The following CDK5RAP2 variants were observed in gnomAD, a reference collection of about 807,000 sequenced individuals.
The protein encoded by CDK5RAP2 is CDK5 regulatory subunit-associated protein 2.
In CDK5RAP2, 147 loss-of-function variants were observed where a neutral mutation model predicts 232.9. The observed-to-expected ratio is 0.63, with a 90% CI of 0.55 to 0.72. The LOEUF is 0.72. Ranked by LOEUF, CDK5RAP2 falls within the 30% of genes least tolerant of loss-of-function variation. The probability of loss-of-function intolerance (pLI) is 0.00; values close to 1 mark genes in which losing one functional copy is unlikely to be tolerated. For missense variants in CDK5RAP2, 2,195 were observed against 2,231.5 expected (o/e 0.98, Z 0.33); for synonymous variants, 833 against 833.7 (o/e 1.00, Z 0.01).
intron 4 of CDK5RAP2, 93 bp from the exon 5 acceptor site, chr9:120,545,883 C>T: frequency 1.0e-6 from 1 of 957,010 alleles, no homozygotes; most frequent in South Asian, 1.3e-5. Context: ...CACAGACTGA[C>T]TACAGGATGC....
At chr9:120,548,469 A>C (rs1453589215) in intron 4 of CDK5RAP2, among the ~76,000 whole-genome samples, 1 of 152,226 alleles carries the variant, frequency 6.6e-6, no homozygotes, top group Non-Finnish European at 1.5e-5. Context: ...CCAAACCAAA[A>C]GTCAGGGCAC....
chr9:120,519,708 T>C (rs190914821), intron 11 of CDK5RAP2, among the ~76,000 whole-genome samples: 69 of 152,390 alleles, frequency 4.5e-4, no homozygotes, highest in African/African-American at 1.6e-3. Flanking sequence ...ATTCTCATTT[T>C]TCTTTAAAAA....
At chr9:120,390,171 T>A (rs1273615940) in intron 36 of CDK5RAP2, 1 of 228,978 alleles carries the variant, frequency 4.4e-6, no homozygotes. Flanking sequence ...GGCCTGGGCC[T>A]GCCCAGCACT....
Position 120,579,889 on chromosome 9 carries a change from G to A in CDK5RAP2, c.59+31C>T, listed in dbSNP as rs754241372. 5.6e-6 allele frequency: 9 copies of A among 1,595,336 alleles called. No homozygotes were observed. In the South Asian group the frequency reaches 6.6e-5, roughly 12 times the overall value. On this transcript the variant is annotated intron_variant, in intron 1 of 37. Coordinates refer to ENST00000349780, the MANE Select transcript of CDK5RAP2 (RefSeq NM_018249.6). ...TCCCACCAGCTGGAACCCCGGCCCG[G>A]TTACCACGACCACCAATGCCCCGGC... is the stretch of plus-strand genomic sequence containing the variant.
intron 6 of CDK5RAP2, among the ~76,000 whole-genome samples, chr9:120,538,708 G>C (rs900404884): frequency 6.6e-6 from 1 of 152,184 alleles, no homozygotes; most frequent in Non-Finnish European, 1.5e-5. Flanking sequence ...GAGTGGTGCT[G>C]TAGGAAGAGC....
Position 120,544,237 on chromosome 9 carries a change from G to A in CDK5RAP2, c.383+1477C>T, listed in dbSNP as rs75580126. Among the ~76,000 whole-genome samples the A allele has an allele frequency of 8.5e-3, 1,299 of 152,224 alleles. 17 individuals carry two copies. Among genetic ancestry groups the A allele is most frequent in the African/African-American group, 0.029 (1,210 of 41,542 alleles). ...TGTGAGCTGAGGTTTCCATGTGTAC[G>A]AGCTTAACTAAAAACTAGTCCAAGC... is the stretch of plus-strand genomic sequence containing the variant. On this transcript the variant is annotated intron_variant, in intron 5 of 37. Coordinates refer to ENST00000349780, the MANE Select transcript of CDK5RAP2 (RefSeq NM_018249.6).
chr9:120,525,882 T>C (rs1443915078), intron 10 of CDK5RAP2, among the ~76,000 whole-genome samples: 4 of 152,172 alleles, frequency 2.6e-5, no homozygotes, highest in Non-Finnish European at 5.9e-5. Flanking sequence ...CCTCCCAAAG[T>C]GTTGGGATAA....
Position 120,529,968 on chromosome 9 carries a change from GTCACC to G in CDK5RAP2, c.825+5_825+9del. On this transcript the variant is annotated splice_donor_5th_base_variant and intron_variant, in intron 8 of 37. Transcript: ENST00000349780. ...AATTAAAGCCCCCTCTTCATGTCCT[GTCACC>G]TCACCTCAGTTTCTCTCTCCTTTTC... The G allele has an allele frequency of 6.2e-7, 1 of 1,613,498 alleles. No homozygotes were observed. The highest frequency in any genetic ancestry group is 8.5e-7 in the Non-Finnish European group (1 of 1,179,704).
At chr9:120,448,574 C>T (rs144581423) in intron 21 of CDK5RAP2, among the ~76,000 whole-genome samples, 1,583 of 152,288 alleles carry the variant, frequency 0.01, 26 homozygotes, top group African/African-American at 0.036. Flanking sequence ...ATTTCCCAGG[C>T]TCAGAACTCC....
In CDK5RAP2 at chr9:120,568,458, A is replaced by T. The variant is rs2042726820; in HGVS notation, c.128-70T>A. ...GCCCAGTGTTCCTATTGGGGAATAG[A>T]GCACAGAGAGGAAAACAACACGAAC... On this transcript the variant is annotated intron_variant, in intron 2 of 37. Transcript: ENST00000349780. 1.2e-5 allele frequency: 13 copies of T among 1,087,098 alleles called. No individual in the cohort carries two copies. The South Asian group carries it at 1.5e-4, about 12-fold the overall frequency. The allele number at this position is 1,087,098 out of a possible 1,614,324, so 67.3% of individuals were successfully genotyped here. A position where few individuals can be genotyped will look rare whatever the true frequency, so the allele number is the denominator to read the frequency against.
At chr9:120,505,133 C>A (rs532289763) in intron 12 of CDK5RAP2, among the ~76,000 whole-genome samples, 1 of 152,268 alleles carries the variant, frequency 6.6e-6, no homozygotes, top group Non-Finnish European at 1.5e-5. Flanking sequence ...TCAAGGTCTG[C>A]AGCAACCCTG....
rs78861883 is a variant in CDK5RAP2 at position 120,435,278 on chromosome 9, C to T, written c.3955+2017G>A. On this transcript the variant is annotated intron_variant, in intron 25 of 37. Transcript: ENST00000349780. ...TGGAAAGGGTGGAGTAATTCTGGAA[C>T]TATGTGTATATATTACAGAACTGAG... Among the ~76,000 whole-genome samples the T allele has an allele frequency of 7.9e-3, 1,202 of 152,126 alleles. 17 individuals are homozygous for T. The highest frequency in any genetic ancestry group is 0.028 in the African/African-American group (1,146 of 41,492).
chr9:120,445,386 G>A (rs923241072), intron 22 of CDK5RAP2, among the ~76,000 whole-genome samples: 4 of 152,224 alleles, frequency 2.6e-5, no homozygotes, highest in Middle Eastern at 3.4e-3. Flanking sequence ...CTTGAGGTTC[G>A]GTGACAATGT....
At position 120,447,911 on chromosome 9, in the gene CDK5RAP2, G is replaced by A. The variant is rs759326177; in HGVS notation, c.3009C>T (p.Asp1003=). 6 of 1,613,498 alleles carry A rather than the reference G, an allele frequency of 3.7e-6. No homozygotes were observed. The highest frequency in any genetic ancestry group is 3.3e-5 in the South Asian group (3 of 91,060). ...EAVMEGRPTP[D]KTLLNAQPPV... ...GGTGCTTACCATTCAGCAACGTTTT[G>A]TCGGGCGTTGGCCTCCCCTCCATCA... The change falls in exon 22 of 38, where the codon GAC becomes GAT. Residue 1003 remains aspartate (D), a synonymous_variant. Coordinates refer to ENST00000349780, the MANE Select transcript of CDK5RAP2 (RefSeq NM_018249.6).
At chr9:120,494,629 AGGAGGAAGAG>A (rs2039068629) in intron 12 of CDK5RAP2, among the ~76,000 whole-genome samples, 1 of 152,188 alleles carries the variant, frequency 6.6e-6, no homozygotes, top group South Asian at 2.1e-4. Flanking sequence ...CAAATGCAGG[AGGAGGAAGAG>A]GACAGCTCTT....
chr9:120,483,792 TA>T (rs2038450741), intron 14 of CDK5RAP2, among the ~76,000 whole-genome samples: 1 of 152,226 alleles, frequency 6.6e-6, no homozygotes, highest in Non-Finnish European at 1.5e-5. Context: ...ATAGTTTCCT[TA>T]ATGACTTGAA....
intron 12 of CDK5RAP2, among the ~76,000 whole-genome samples, chr9:120,502,644 T>C (rs918480645): frequency 2.6e-5 from 4 of 152,168 alleles, no homozygotes; most frequent in African/African-American, 4.8e-5. Context: ...ACAAAGGACA[T>C]GTAGTTTTGT....
chr9:120,390,142 A>G (rs2031802301), intron 36 of CDK5RAP2: 2 of 295,620 alleles, frequency 6.8e-6, no homozygotes, highest in Admixed American at 7.9e-5. Context: ...AGGGAGGGCA[A>G]TGGCGCAGGG....
At chr9:120,476,527 A>C (rs2038020320) in intron 15 of CDK5RAP2, among the ~76,000 whole-genome samples, 1 of 151,890 alleles carries the variant, frequency 6.6e-6, no homozygotes, top group South Asian at 2.1e-4. Context: ...AAAATGCAAA[A>C]AATTAGCCGG....
Sources: allele counts gnomAD v4.1 joint callset (sites outside exome capture counted in the v4.1 genomes callset), GRCh38; gene constraint gnomAD v4.1.1; transcripts MANE v1.5; gene names NCBI Gene and HGNC (gene_info 2026-07-23, HGNC 2026-07-21).